The following IMMP2L variants were observed in gnomAD, a reference collection of about 807,000 sequenced individuals.
IMMP2L encodes inner mitochondrial membrane peptidase subunit 2.
A neutral mutation model predicts 19.3 loss-of-function variants in IMMP2L; 18 were observed. The observed-to-expected ratio is 0.93, with a 90% CI of 0.64 to 1.38. The LOEUF is 1.38. Among genes scored for constraint, IMMP2L ranks in the 40% most tolerant of loss-of-function variants. The probability of loss-of-function intolerance (pLI) is 0.00; values close to 1 mark genes in which losing one functional copy is unlikely to be tolerated. For synonymous variants in IMMP2L, 76 were observed against 73.0 expected, an observed-to-expected ratio of 1.04 and a Z score of -0.21; for missense variants, 233 against 218.2, an observed-to-expected ratio of 1.07 and a Z score of -0.43.
At chr7:111,415,240 G>A (rs2131553150) in intron 3 of IMMP2L, among the ~76,000 whole-genome samples, 1 of 151,752 alleles carries the variant, frequency 6.6e-6, no homozygotes, top group African/African-American at 2.4e-5. Flanking sequence ...CTCCAGACAA[G>A]AGCTAGCAAG....
At chr7:110,767,019 C>A (rs1473618351) in intron 5 of IMMP2L, among the ~76,000 whole-genome samples, 2 of 152,110 alleles carry the variant, frequency 1.3e-5, no homozygotes, top group Non-Finnish European at 2.9e-5. Flanking sequence ...TTTAAAATGA[C>A]TTCATTAATG....
At chr7:111,002,062 T>G (rs1823762122) in intron 3 of IMMP2L, among the ~76,000 whole-genome samples, 1 of 152,024 alleles carries the variant, frequency 6.6e-6, no homozygotes, top group South Asian at 2.1e-4. Context: ...CTATAATAAC[T>G]ATAGCCTTTT....
chr7:111,072,857 T>C (rs370361221), intron 3 of IMMP2L, among the ~76,000 whole-genome samples: 1 of 148,300 alleles, frequency 6.7e-6, no homozygotes, highest in Non-Finnish European at 1.5e-5. Flanking sequence ...GAGCCAAGAT[T>C]GCACCACTGC....
intron 5 of IMMP2L, among the ~76,000 whole-genome samples, chr7:110,717,686 G>A (rs2130746666): frequency 6.6e-6 from 1 of 152,316 alleles, no homozygotes. Context: ...ATCACTTATA[G>A]TGGCATTAAG....
At chr7:111,095,826 T>G (rs1028991591) in intron 3 of IMMP2L, among the ~76,000 whole-genome samples, 10 of 151,976 alleles carry the variant, frequency 6.6e-5, no homozygotes, top group African/African-American at 2.4e-4. Context: ...TCAGGATCCA[T>G]GCTTTGCTTA....
intron 3 of IMMP2L, among the ~76,000 whole-genome samples, chr7:111,145,650 C>G (rs1803387656): frequency 6.6e-6 from 1 of 152,076 alleles, no homozygotes; most frequent in South Asian, 2.1e-4. Context: ...CCCACTTGCT[C>G]TCAAGTGTCA....
intron 4 of IMMP2L, among the ~76,000 whole-genome samples, chr7:110,925,635 T>G (rs1814763500): frequency 6.6e-6 from 1 of 152,026 alleles, no homozygotes. Flanking sequence ...ATTAAAAAGT[T>G]GGTGAATTTG....
chr7:111,499,086 C>G (rs549713764), intron 2 of IMMP2L, among the ~76,000 whole-genome samples: 1 of 152,308 alleles, frequency 6.6e-6, no homozygotes, highest in African/African-American at 2.4e-5. Flanking sequence ...ATGCAATTAG[C>G]CAGCTTGTCT....
intron 3 of IMMP2L, among the ~76,000 whole-genome samples, chr7:111,196,606 T>C (rs1403798456): frequency 6.6e-6 from 1 of 152,102 alleles, no homozygotes. Context: ...TCATTGTGAG[T>C]GTGGGAGAAA....
intron 3 of IMMP2L, among the ~76,000 whole-genome samples, chr7:111,128,642 T>C (rs1586470222): frequency 1.3e-5 from 2 of 152,074 alleles, no homozygotes; most frequent in African/African-American, 2.4e-5. Context: ...CTGGCCAACA[T>C]GGTGAAACTC....
chr7:111,528,542 C>G (rs1847101537), intron 1 of IMMP2L, among the ~76,000 whole-genome samples: 1 of 152,218 alleles, frequency 6.6e-6, no homozygotes, highest in Non-Finnish European at 1.5e-5. Flanking sequence ...GTGAGAGTTT[C>G]TTGGTGATGC....
chr7:111,128,861 C>G (rs1801574949), intron 3 of IMMP2L, among the ~76,000 whole-genome samples: 1 of 152,098 alleles, frequency 6.6e-6, no homozygotes, highest in African/African-American at 2.4e-5. Flanking sequence ...TAAATTATTT[C>G]TATGCATAAA....
intron 5 of IMMP2L, among the ~76,000 whole-genome samples, chr7:110,682,941 G>T (rs1792835281): frequency 6.6e-6 from 1 of 152,022 alleles, no homozygotes; most frequent in Admixed American, 6.6e-5. Flanking sequence ...ACTTGCTTGA[G>T]TAACACATCC....
intron 3 of IMMP2L, among the ~76,000 whole-genome samples, chr7:111,004,591 G>A (rs1824091735): frequency 7.0e-6 from 1 of 143,264 alleles, no homozygotes; most frequent in Non-Finnish European, 1.5e-5. Flanking sequence ...ATCTTCTGAT[G>A]AGAAACTCAA....
intron 5 of IMMP2L, among the ~76,000 whole-genome samples, chr7:110,804,194 C>G (rs1801456332): frequency 6.6e-6 from 1 of 151,970 alleles, no homozygotes. Context: ...CACTGTGTTT[C>G]TGATCTTGGT....
chr7:111,264,843 T>C (rs1189339215), intron 3 of IMMP2L, among the ~76,000 whole-genome samples: 1 of 151,992 alleles, frequency 6.6e-6, no homozygotes, highest in Non-Finnish European at 1.5e-5. Context: ...GAAGTTTTGG[T>C]ACCCACAGTT....
At position 111,386,716 on chromosome 7, in the gene IMMP2L, T is replaced by C. The variant is rs541298384; in HGVS notation, c.239+100522A>G. On this transcript the variant is annotated intron_variant, in intron 3 of 5. Transcript: ENST00000405709. The stretch of plus-strand genomic sequence containing the variant: ...TTCACTCCCCTTCCCTGTGCGATCA[T>C]AATCACTGCCCATCAACTTCTCTGT... Among the ~76,000 whole-genome samples the C allele has an allele frequency of 5.9e-5, 9 of 152,304 alleles. No individual in the cohort carries two copies. The East Asian group carries it at 1.7e-3, about 29-fold the overall frequency.
intron 3 of IMMP2L, among the ~76,000 whole-genome samples, chr7:110,995,704 T>C (rs1254983357): frequency 1.3e-5 from 2 of 152,066 alleles, no homozygotes; most frequent in Admixed American, 1.3e-4. Flanking sequence ...TAAGTAGCCA[T>C]GAAACCCATT....
At chr7:111,238,158 A>C (rs1219107202) in intron 3 of IMMP2L, among the ~76,000 whole-genome samples, 2 of 152,048 alleles carry the variant, frequency 1.3e-5, no homozygotes, top group South Asian at 4.1e-4. Context: ...GCTTATGGAA[A>C]CATAAGACCA....
Sources: allele counts gnomAD v4.1 joint callset (sites outside exome capture counted in the v4.1 genomes callset), GRCh38; gene constraint gnomAD v4.1.1; transcripts MANE v1.5; gene names NCBI Gene and HGNC (gene_info 2026-07-23, HGNC 2026-07-21).